The following RABL2B variants were observed in gnomAD, a reference collection of about 807,000 sequenced individuals.
RABL2B encodes RAB, member of RAS oncogene family like 2B, also known as rab-like protein 2B.
In RABL2B, 17 loss-of-function variants were observed where a neutral mutation model predicts 26.7. That is an observed-to-expected ratio of 0.64 (90% CI 0.44 to 0.95). The LOEUF is 0.95. Among genes scored for constraint, RABL2B ranks in the 40% least tolerant of loss-of-function variants. RABL2B has a pLI of 0.00. For synonymous variants in RABL2B, 70 were observed against 103.9 expected, an observed-to-expected ratio of 0.67 and a Z score of 1.99; for missense variants, 170 against 277.2, an observed-to-expected ratio of 0.61 and a Z score of 2.75.
In RABL2B at chr22:50,769,370, C is replaced by T. The variant is rs2083794131; in HGVS notation, c.507+85G>A. 7.4e-6 allele frequency: 12 copies of T among 1,612,238 alleles called. No individual in the cohort carries two copies. The South Asian group carries it at 1.3e-4, about 18-fold the overall frequency. ...TGCACTGTCCCGGTTCTCTCCATCA[C>T]ACCTGCAGTAAGCCCTTCTCTTCAC... On this transcript the variant is annotated intron_variant, in intron 7 of 8. Coordinates refer to ENST00000691320, the MANE Select transcript of RABL2B (RefSeq NM_001130919.3).
chr22:50,778,344 G>A (rs1392764546), intron 2 of RABL2B, among the ~76,000 whole-genome samples: 91 of 151,632 alleles, frequency 6.0e-4, no homozygotes, highest in Admixed American at 2.0e-3. Flanking sequence ...CGGGCGCGGT[G>A]GCTCACGCCT....
chr22:50,770,311 T>G, intron 5 of RABL2B: 1 of 379,774 alleles, frequency 2.6e-6, no homozygotes, highest in Non-Finnish European at 4.9e-6. Flanking sequence ...AGGTCAGGAG[T>G]TTGAGACCAG....
At chr22:50,770,427 G>T (rs1555917526) in intron 5 of RABL2B, 2 of 260,982 alleles carry the variant, frequency 7.7e-6, no homozygotes, top group African/African-American at 4.5e-5. Context: ...TGAGGCAGGA[G>T]AATTGCTTGA....
Position 50,770,003 on chromosome 22 carries a change from T to C in RABL2B, c.311A>G (p.Gln104Arg), listed in dbSNP as rs2083902805. ...CAGGTTCCTATAGGTGACTTTCCTC[T>C]GTACATCAAACACCTGCAAAGGGCA... Reference protein sequence around the residue: ...AHACIMVFDVQRKVTYRNLST... With the variant: ...AHACIMVFDVRRKVTYRNLST... The change falls in exon 6 of 9, where the codon CAG (glutamine) becomes CGG (arginine). Residue 104 changes from glutamine (Q) to arginine (R), a missense_variant. Gln to Arg is a conservative substitution (Grantham distance 43, BLOSUM62 1). Coordinates refer to ENST00000691320, the MANE Select transcript of RABL2B (RefSeq NM_001130919.3). 1.2e-6 allele frequency: 2 copies of C among 1,613,824 alleles called. No homozygotes were observed. The highest frequency in any genetic ancestry group is 2.7e-5 in the African/African-American group (2 of 74,918).
At chr22:50,770,644 T>C (rs2084005471) in intron 5 of RABL2B, 1 of 152,538 alleles carries the variant, frequency 6.6e-6, no homozygotes. Context: ...TGTAAAAACT[T>C]TTGTGTTTTT....
Position 50,775,604 on chromosome 22 carries a change from C to A in RABL2B, c.297+168G>T, listed in dbSNP as rs530452720. ...ACAGAGAGCTCACCTGGCACCTTCT[C>A]ACTAAGAAGCTCTGGGGAGCAGGTG... On this transcript the variant is annotated intron_variant, in intron 5 of 8. Transcript: ENST00000691320. Among the ~76,000 whole-genome samples, 4 of 152,202 alleles carry A rather than the reference C, an allele frequency of 2.6e-5. No individual in the cohort carries two copies. The East Asian group carries it at 7.7e-4, about 29-fold the overall frequency.
chr22:50,780,251 C>T (rs2085600272), intron 2 of RABL2B, among the ~76,000 whole-genome samples: 3 of 149,138 alleles, frequency 2.0e-5, no homozygotes, highest in Admixed American at 6.7e-5. Context: ...AAAAAAAAGG[C>T]ACCTTAAAGA....
At chr22:50,782,089 C>G (rs9616980) in intron 2 of RABL2B, 99 bp downstream of exon 2, 10,619 of 942,294 alleles carry the variant, frequency 0.011, 50 homozygotes, top group Non-Finnish European at 0.014. Flanking sequence ...TGCTCCTTCA[C>G]CAGCCCCAAG....
At chr22:50,769,648 G>T in intron 6 of RABL2B, 96 bp from the exon 7 acceptor site, 1 of 1,575,446 alleles carries the variant, frequency 6.3e-7, no homozygotes. Context: ...CAGAAAGTGG[G>T]ATAGGCAGGG....
chr22:50,770,770 G>A (rs1555917750), intron 5 of RABL2B, among the ~76,000 whole-genome samples: 1 of 151,806 alleles, frequency 6.6e-6, no homozygotes. Flanking sequence ...TTACTTTTTA[G>A]AGACAGGGTT....
rs1433609616 is a variant in RABL2B, at chr22:50,767,976, C to T, written c.*800G>A. 13 of 313,670 alleles carry T rather than the reference C, an allele frequency of 4.1e-5. No individual in the cohort carries two copies. The highest frequency in any genetic ancestry group is 1.2e-4 in the African/African-American group (5 of 43,282). 19.4% of individuals were successfully genotyped at this position (313,670 alleles called of 1,614,324 possible). A position where few individuals can be genotyped will look rare whatever the true frequency, so the allele number is the denominator to read the frequency against. ...TTGTTTAAAAACAGATGATTGGGGCCGGGCGCGGTGGCTCATGCCTGTAAT... is the reference window on the plus strand; with the variant it reads ...TTGTTTAAAAACAGATGATTGGGGCTGGGCGCGGTGGCTCATGCCTGTAAT... On this transcript the variant is annotated 3_prime_UTR_variant, in exon 9 of 9. Coordinates refer to ENST00000691320, the MANE Select transcript of RABL2B (RefSeq NM_001130919.3).
chr22:50,779,940 C>T (rs2085542656), intron 2 of RABL2B, among the ~76,000 whole-genome samples: 1 of 152,120 alleles, frequency 6.6e-6, no homozygotes, highest in South Asian at 2.1e-4. Flanking sequence ...GAGATTGCCC[C>T]ACTGTACTGC....
rs1217498373 is a variant in RABL2B at position 50,767,938 on chromosome 22, T to C, written c.*838A>G. ...CGAAAATCTGGAATGAATAGCTATC[T>C]GCTCAAAAACGATTGTTTAAAAACA... On this transcript the variant is annotated 3_prime_UTR_variant, in exon 9 of 9. Transcript: ENST00000691320. 3 of 332,870 alleles carry C rather than the reference T, an allele frequency of 9.0e-6. No individual in the cohort carries two copies. The highest frequency in any genetic ancestry group is 6.8e-5 in the African/African-American group (3 of 44,410). The allele number at this position is 332,870 out of a possible 1,614,324, so 20.6% of individuals were successfully genotyped here.
At chr22:50,776,890 G>A in intron 3 of RABL2B, 141 bp from the exon 4 acceptor site, 2 of 1,461,190 alleles carry the variant, frequency 1.4e-6, no homozygotes. Flanking sequence ...AATGAATGTT[G>A]CAGACAGAGG....
At chr22:50,776,215 C>T (rs2084955764) in intron 4 of RABL2B, among the ~76,000 whole-genome samples, 1 of 152,194 alleles carries the variant, frequency 6.6e-6, no homozygotes, top group African/African-American at 2.4e-5. Flanking sequence ...AGACGGTAGA[C>T]AGAGTCAGGC....
chr22:50,781,400 AAGAGAGAG>A (rs3044691), intron 2 of RABL2B, among the ~76,000 whole-genome samples: 2 of 141,738 alleles, frequency 1.4e-5, no homozygotes, highest in Admixed American at 7.2e-5. Context: ...TGTGGTGGGG[AAGAGAGAG>A]AGAGAGAGAG....
chr22:50,780,397 C>CTTTT (rs149044797), intron 2 of RABL2B, among the ~76,000 whole-genome samples: 8 of 122,248 alleles, frequency 6.5e-5, no homozygotes, highest in East Asian at 2.4e-4. Context: ...CAAGTGTTAA[C>CTTTT]TTTTTTTTTT....
chr22:50,777,344 C>G (rs2085150233), intron 3 of RABL2B, among the ~76,000 whole-genome samples: 1 of 150,894 alleles, frequency 6.6e-6, no homozygotes, highest in Non-Finnish European at 1.5e-5. Context: ...GGTGGAGTAA[C>G]ACATACTCAG....
At chr22:50,777,673 A>AATCC (rs1210398979) in intron 3 of RABL2B, 2 of 536,070 alleles carry the variant, frequency 3.7e-6, no homozygotes, top group African/African-American at 4.1e-5. Context: ...GTGGGGTTTG[A>AATCC]ATCCAGGCAT....
Sources: gnomAD v4.1 joint callset for allele counts (sites outside exome capture counted in the v4.1 genomes callset) on GRCh38, gnomAD v4.1.1 for gene constraint, MANE v1.5 for transcripts, NCBI Gene and HGNC (gene_info 2026-07-23, HGNC 2026-07-21) for gene names.